The following SPAG16 variants were observed in gnomAD, a reference collection of about 807,000 sequenced individuals.
SPAG16 encodes sperm associated antigen 16, also known as sperm-associated antigen 16 protein.
SPAG16 carries 86 observed loss-of-function variants against 80.4 expected under a neutral mutation model. The observed-to-expected ratio is 1.07, with a 90% CI of 0.90 to 1.28. The LOEUF (loss-of-function observed/expected upper bound fraction) is 1.28. Among genes scored for constraint, SPAG16 ranks in the 50% most tolerant of loss-of-function variants. The probability of loss-of-function intolerance (pLI) is 0.00; values close to 1 mark genes in which losing one functional copy is unlikely to be tolerated. For synonymous variants in SPAG16, 294 were observed against 265.9 expected, an observed-to-expected ratio of 1.11 and a Z score of -1.03; for missense variants, 870 against 765.3, an observed-to-expected ratio of 1.14 and a Z score of -1.61.
intron 12 of SPAG16, among the ~76,000 whole-genome samples, chr2:213,947,740 A>G (rs1327451790): frequency 6.6e-6 from 1 of 152,186 alleles, no homozygotes. Context: ...CCTTGAGGAA[A>G]GAAAAAATCC....
At chr2:213,751,568 C>T (rs1203854447) in intron 10 of SPAG16, among the ~76,000 whole-genome samples, 2 of 152,190 alleles carry the variant, frequency 1.3e-5, no homozygotes, top group Non-Finnish European at 2.9e-5. Context: ...TACCGTCAGC[C>T]TCCTGTTGTC....
intron 12 of SPAG16, among the ~76,000 whole-genome samples, chr2:213,981,509 T>G: frequency 6.6e-6 from 1 of 152,100 alleles, no homozygotes; most frequent in East Asian, 1.9e-4. Flanking sequence ...TTGCTGCTAT[T>G]TTAGAAATAT....
chr2:214,383,696 G>A (rs1310707332), intron 15 of SPAG16, among the ~76,000 whole-genome samples: 1 of 152,150 alleles, frequency 6.6e-6, no homozygotes, highest in African/African-American at 2.4e-5. Context: ...AACTTGTTAA[G>A]GCTGAGAGGT....
intron 5 of SPAG16, among the ~76,000 whole-genome samples, chr2:213,320,639 T>C (rs1279450414): frequency 6.6e-6 from 1 of 152,000 alleles, no homozygotes; most frequent in East Asian, 1.9e-4. Context: ...TATTTTAGCT[T>C]CCACATGAGT....
At chr2:213,902,808 G>A (rs10186886) in intron 11 of SPAG16, among the ~76,000 whole-genome samples, 52,047 of 152,076 alleles carry the variant, frequency 0.34, 9,373 homozygotes, top group South Asian at 0.47. Flanking sequence ...CTGCCTATGA[G>A]CCTGTAAAAT....
At chr2:214,215,607 G>A (rs2058412254) in intron 15 of SPAG16, among the ~76,000 whole-genome samples, 1 of 152,146 alleles carries the variant, frequency 6.6e-6, no homozygotes, top group Non-Finnish European at 1.5e-5. Flanking sequence ...TGAAATTACT[G>A]AAGAAAATAA....
intron 15 of SPAG16, among the ~76,000 whole-genome samples, chr2:214,289,165 G>A (rs772065527): frequency 4.8e-4 from 73 of 152,078 alleles, no homozygotes; most frequent in Non-Finnish European, 1.0e-3. Context: ...ATGAATAGCT[G>A]GCAAATATTT....
chr2:213,772,841 A>G (rs910709215), intron 10 of SPAG16, among the ~76,000 whole-genome samples: 2 of 152,194 alleles, frequency 1.3e-5, no homozygotes, highest in Non-Finnish European at 2.9e-5. Flanking sequence ...CTTCCAATCT[A>G]TGAACATGAG....
intron 12 of SPAG16, among the ~76,000 whole-genome samples, chr2:213,994,842 A>G (rs1347644982): frequency 1.3e-5 from 2 of 149,480 alleles, no homozygotes; most frequent in African/African-American, 4.9e-5. Context: ...TAATCATATA[A>G]TTTAAAGGTT....
intron 15 of SPAG16, among the ~76,000 whole-genome samples, chr2:214,398,302 T>G (rs562839383): frequency 6.6e-6 from 1 of 152,336 alleles, no homozygotes; most frequent in South Asian, 2.1e-4. Flanking sequence ...AATTTTTCCC[T>G]TTGCCACATT....
In SPAG16 at chr2:214,098,361, G is replaced by A. The variant is rs139765784; in HGVS notation, c.1528-9835G>A. ...GTCTTAATCCTCAGTATCTTGGAAGGTGACTGTATTTGGAGATAAGGTCTA... is the reference window on the plus strand; with the variant it reads ...GTCTTAATCCTCAGTATCTTGGAAGATGACTGTATTTGGAGATAAGGTCTA... On this transcript the variant is annotated intron_variant, in intron 13 of 15. Transcript: ENST00000331683. Among the ~76,000 whole-genome samples the A allele has an allele frequency of 2.9e-3, 445 of 152,114 alleles. 5 individuals carry two copies. The highest frequency in any genetic ancestry group is 0.015 in the East Asian group (75 of 5,168).
chr2:213,793,777 C>T (rs977833717), intron 10 of SPAG16, among the ~76,000 whole-genome samples: 2 of 152,198 alleles, frequency 1.3e-5, no homozygotes, highest in African/African-American at 4.8e-5. Flanking sequence ...AGTTTCTTCG[C>T]TCTGTGGTCC....
intron 15 of SPAG16, among the ~76,000 whole-genome samples, chr2:214,318,203 A>G (rs924953258): frequency 1.3e-5 from 2 of 152,088 alleles, no homozygotes; most frequent in African/African-American, 4.8e-5. Flanking sequence ...TTCTGTGCCC[A>G]TTATGACTGA....
At chr2:213,742,696 C>T (rs1371765365) in intron 10 of SPAG16, among the ~76,000 whole-genome samples, 2 of 151,376 alleles carry the variant, frequency 1.3e-5, no homozygotes, top group African/African-American at 2.4e-5. Flanking sequence ...GGATTACAGG[C>T]GCCCACCACC....
intron 9 of SPAG16, among the ~76,000 whole-genome samples, chr2:213,387,992 C>G: frequency 6.6e-6 from 1 of 152,134 alleles, no homozygotes; most frequent in East Asian, 1.9e-4. Context: ...CTAGCAAAAT[C>G]TGTCTGATAT....
chr2:213,728,072 C>T (rs1172865274), intron 10 of SPAG16, among the ~76,000 whole-genome samples: 1 of 152,182 alleles, frequency 6.6e-6, no homozygotes, highest in East Asian at 1.9e-4. Flanking sequence ...TGGTCTCAAA[C>T]TCCTGACCTC....
At chr2:214,071,085 A>G (rs2050769310) in intron 13 of SPAG16, among the ~76,000 whole-genome samples, 1 of 152,170 alleles carries the variant, frequency 6.6e-6, no homozygotes, top group Admixed American at 6.5e-5. Context: ...GAGTCTATCC[A>G]CACAAAGAAT....
intron 11 of SPAG16, among the ~76,000 whole-genome samples, chr2:213,896,593 C>CTATATATATATATATATATATATATAT (rs1553657365): frequency 3.5e-4 from 42 of 119,726 alleles, no homozygotes; most frequent in East Asian, 1.8e-3. Context: ...CACACACACG[C>CTATATATATATATATATATATATATAT]ACACACACAC....
At chr2:214,296,439 T>A (rs970200933) in intron 15 of SPAG16, among the ~76,000 whole-genome samples, 2 of 152,186 alleles carry the variant, frequency 1.3e-5, no homozygotes, top group African/African-American at 4.8e-5. Context: ...AAATAGTAGT[T>A]CTATTTTTAG....
Sources: gnomAD v4.1 joint callset for allele counts (sites outside exome capture counted in the v4.1 genomes callset) on GRCh38, gnomAD v4.1.1 for gene constraint, MANE v1.5 for transcripts, NCBI Gene and HGNC (gene_info 2026-07-23, HGNC 2026-07-21) for gene names.